TDRD12: variants seen among roughly 807,000 people sequenced by gnomAD.
TDRD12 encodes the protein tudor domain containing 12.
Under a neutral mutation model 133.5 loss-of-function variants are expected in TDRD12, and 158 were observed. The ratio of observed to expected loss-of-function variants is 1.18; its 90% CI spans 1.04 to 1.35. TDRD12 has a LOEUF of 1.35. Among genes scored for constraint, TDRD12 ranks in the 40% most tolerant of loss-of-function variants. The pLI is 0.00. For synonymous variants in TDRD12, 460 were observed against 477.9 expected (o/e 0.96, Z 0.49); for missense variants, 1,443 against 1,321.3 (o/e 1.09, Z -1.43).
chr19:32,733,877 TA>T (rs1969137998), intron 2 of TDRD12, among the ~76,000 whole-genome samples: 4 of 151,472 alleles, frequency 2.6e-5, no homozygotes, highest in South Asian at 2.1e-4. Context: ...TTTTTTAATT[TA>T]TTTTTTTAAT....
At chr19:32,775,068 A>C (rs1446593421) in intron 10 of TDRD12, among the ~76,000 whole-genome samples, 1 of 151,754 alleles carries the variant, frequency 6.6e-6, no homozygotes, top group African/African-American at 2.4e-5. Flanking sequence ...CTTTGTTTGT[A>C]GCTTTCTTAC....
chr19:32,726,658 G>GGAGGATTGCTTGAGGT (rs200050098), intron 1 of TDRD12, among the ~76,000 whole-genome samples: 2 of 151,556 alleles, frequency 1.3e-5, no homozygotes, highest in Non-Finnish European at 2.9e-5. Context: ...GGCTGAGGTG[G>GGAGGATTGCTTGAGGT]GAGGATTGCT....
At chr19:32,786,573 A>G (rs537818338) in intron 11 of TDRD12, among the ~76,000 whole-genome samples, 2 of 152,186 alleles carry the variant, frequency 1.3e-5, no homozygotes, top group East Asian at 1.9e-4. Context: ...TCAAACATAG[A>G]TTTGGTCTTT....
chr19:32,818,014 T>C, intron 26 of TDRD12, 75 bp from the exon 27 acceptor site: 2 of 701,156 alleles, frequency 2.9e-6, no homozygotes, highest in South Asian at 1.5e-5. Context: ...CCAAGCTCTG[T>C]CCTCTACTGT....
At chr19:32,765,971 A>G (rs1374121622) in intron 8 of TDRD12, among the ~76,000 whole-genome samples, 2 of 151,848 alleles carry the variant, frequency 1.3e-5, no homozygotes, top group South Asian at 2.1e-4. Context: ...TCATTGTTAA[A>G]TGGCTCTCTT....
Position 32,826,771 on chromosome 19 carries a change from C to G in TDRD12, c.1049+173C>G, listed in dbSNP as rs1599639483. The G allele has an allele frequency of 5.7e-6, 7 of 1,228,402 alleles. No individual in the cohort carries two copies. The African/African-American group carries it at 6.2e-5, about 11-fold the overall frequency. 76.1% of individuals were successfully genotyped at this position (1,228,402 alleles called of 1,614,324 possible). On this transcript the variant is annotated intron_variant, in intron 9 of 9. Transcript: ENST00000637289. ...AAGGGTAAGGCATAGAGCGCCCACT[C>G]TCCGAGGGGTTGTAGGTTCTGAGGG...
chr19:32,721,021 C>T (rs1968641863), intron 1 of TDRD12, among the ~76,000 whole-genome samples: 1 of 152,040 alleles, frequency 6.6e-6, no homozygotes, highest in Non-Finnish European at 1.5e-5. Flanking sequence ...TCCACGGGGC[C>T]CTTAGGCTCG....
chr19:32,810,879 A>G (rs1005986094), intron 23 of TDRD12, among the ~76,000 whole-genome samples: 2 of 152,160 alleles, frequency 1.3e-5, no homozygotes, highest in East Asian at 1.9e-4. Flanking sequence ...GCCACAGAGC[A>G]AGACCTTGTC....
chr19:32,766,638 A>G (rs1320488469), intron 8 of TDRD12, among the ~76,000 whole-genome samples: 1 of 150,934 alleles, frequency 6.6e-6, no homozygotes. Context: ...TTTTTGAGAC[A>G]GAGTCTCGCT....
chr19:32,809,912 G>T (rs1966941228), intron 22 of TDRD12, among the ~76,000 whole-genome samples, 181 bp from the exon 23 acceptor site: 1 of 152,144 alleles, frequency 6.6e-6, no homozygotes, highest in African/African-American at 2.4e-5. Flanking sequence ...AATTCTTTAT[G>T]ACTGTGTGAG....
intron 4 of TDRD12, among the ~76,000 whole-genome samples, chr19:32,747,079 A>G (rs1402213128): frequency 6.8e-6 from 1 of 146,560 alleles, no homozygotes; most frequent in Non-Finnish European, 1.5e-5. Context: ...TGAGAGAGGG[A>G]GAGTGACTGG....
At chr19:32,773,616 T>A in intron 10 of TDRD12, 84 bp downstream of exon 10, 1 of 1,256,614 alleles carries the variant, frequency 8.0e-7, no homozygotes, top group South Asian at 1.3e-5. Context: ...GGGGATCGCT[T>A]AAGCCCAGGA....
chr19:32,826,429 C>A lies in TDRD12; in HGVS notation c.896-16C>A. ...GCATTTTAAAAGGCTGACTTTATTTCTTTTTATAAACCCAGTGCTTGGGTG... is the reference window on the plus strand; with the variant it reads ...GCATTTTAAAAGGCTGACTTTATTTATTTTTATAAACCCAGTGCTTGGGTG... On this transcript the variant is annotated splice_polypyrimidine_tract_variant and intron_variant, in intron 8 of 9. Coordinates refer to the TDRD12 transcript ENST00000637289. The A allele has an allele frequency of 8.8e-7, 1 of 1,131,220 alleles. No individual in the cohort carries two copies. The highest frequency in any genetic ancestry group is 1.1e-6 in the Non-Finnish European group (1 of 921,446). 70.1% of individuals were successfully genotyped at this position (1,131,220 alleles called of 1,614,324 possible). A position where few individuals can be genotyped will look rare whatever the true frequency, so the allele number is the denominator to read the frequency against.
chr19:32,773,567 G>A (rs186527993), intron 10 of TDRD12, 35 bp downstream of exon 10: 137 of 1,538,800 alleles, frequency 8.9e-5, no homozygotes, highest in Admixed American at 3.1e-4. Context: ...GTGTGGTGGC[G>A]CCTGCCTGTA....
intron 3 of TDRD12, 31 bp from the exon 4 acceptor site, chr19:32,742,750 A>G (rs996902820): frequency 1.6e-5 from 25 of 1,544,970 alleles, no homozygotes; most frequent in African/African-American, 1.2e-4. Flanking sequence ...AATTTTCTAT[A>G]TAATGGAGCT....
intron 21 of TDRD12, among the ~76,000 whole-genome samples, chr19:32,806,344 T>G (rs931051348): frequency 6.7e-6 from 1 of 149,924 alleles, no homozygotes; most frequent in Admixed American, 6.6e-5. Flanking sequence ...CGAGTTTTTT[T>G]TTTTTTTTTT....
intron 11 of TDRD12, among the ~76,000 whole-genome samples, chr19:32,783,863 C>T (rs1970835906): frequency 6.6e-6 from 1 of 152,180 alleles, no homozygotes; most frequent in African/African-American, 2.4e-5. Flanking sequence ...AAATTTTGGG[C>T]TGAGATGATG....
chr19:32,739,047 A>G, intron 3 of TDRD12, 55 bp downstream of exon 3: 1 of 1,541,994 alleles, frequency 6.5e-7, no homozygotes, highest in Non-Finnish European at 8.8e-7. Context: ...TGTCAGTTTC[A>G]AAGGAGAACG....
At chr19:32,810,933 A>T (rs143385551) in intron 23 of TDRD12, among the ~76,000 whole-genome samples, 1 of 152,298 alleles carries the variant, frequency 6.6e-6, no homozygotes, top group Non-Finnish European at 1.5e-5. Context: ...GGAAAAAAAT[A>T]AAAAAACTTT....
Sources: gnomAD v4.1 joint callset for allele counts (sites outside exome capture counted in the v4.1 genomes callset) on GRCh38, gnomAD v4.1.1 for gene constraint, MANE v1.5 for transcripts, NCBI Gene and HGNC (gene_info 2026-07-23, HGNC 2026-07-21) for gene names.